The following NFIB variants were observed in gnomAD, a reference collection of about 807,000 sequenced individuals.
The protein encoded by NFIB is nuclear factor 1 B-type.
A neutral mutation model predicts 61.5 loss-of-function variants in NFIB; 11 were observed. The ratio of observed to expected loss-of-function variants is 0.18; its 90% CI spans 0.11 to 0.30. The LOEUF is 0.30. NFIB is among the 10% of genes least tolerant of loss of function. NFIB has a pLI of 1.00. For missense variants in NFIB, 471 were observed against 608.9 expected (o/e 0.77, Z 2.38); for synonymous variants, 260 against 216.5 (o/e 1.20, Z -1.76).
chr9:14,346,292 C>A (rs1204418633), intron 1 of NFIB, among the ~76,000 whole-genome samples: 1 of 125,378 alleles, frequency 8.0e-6, no homozygotes, highest in East Asian at 2.1e-4. Flanking sequence ...TAACCGACAC[C>A]CCCCCCCCGT....
the NFIB span, among the ~76,000 whole-genome samples, chr9:14,438,339 T>A: frequency 6.6e-6 from 1 of 152,208 alleles, no homozygotes; most frequent in South Asian, 2.1e-4. Context: ...TAGTCTTACG[T>A]GTGACCATCT....
the NFIB span, among the ~76,000 whole-genome samples, chr9:14,452,484 AAGGAAAGGAAAGGAAAGGAAAG>A: frequency 1.3e-5 from 1 of 75,170 alleles, no homozygotes; most frequent in South Asian, 5.5e-4. Context: ...AAGGAAAGGA[AAGGAAAGGAAAGGAAAGGAAAG>A]GAAAGGAGGA....
chr9:14,258,738 C>A (rs73415783), intron 2 of NFIB, among the ~76,000 whole-genome samples: 3,534 of 152,304 alleles, frequency 0.023, 142 homozygotes, highest in African/African-American at 0.08. Context: ...TTTACATCCT[C>A]TCTTCATAAA....
intron 2 of NFIB, among the ~76,000 whole-genome samples, chr9:14,221,753 G>C (rs1033911131): frequency 6.6e-6 from 1 of 152,212 alleles, no homozygotes; most frequent in Non-Finnish European, 1.5e-5. Context: ...GGAATCCATA[G>C]TATAATTGAG....
intron 6 of NFIB, among the ~76,000 whole-genome samples, chr9:14,134,848 A>G (rs906971875): frequency 6.8e-6 from 1 of 147,616 alleles, no homozygotes; most frequent in African/African-American, 2.5e-5. Flanking sequence ...CAGTGAGCCA[A>G]GATCACGCCA....
chr9:14,144,054 T>C (rs1041976660), intron 6 of NFIB, among the ~76,000 whole-genome samples: 4 of 142,732 alleles, frequency 2.8e-5, no homozygotes, highest in African/African-American at 7.8e-5. Flanking sequence ...CATTTGAGAA[T>C]GGAATATTCT....
the NFIB span, among the ~76,000 whole-genome samples, chr9:14,522,645 A>G: frequency 7.8e-3 from 1,187 of 152,314 alleles, 22 homozygotes; most frequent in African/African-American, 0.027. Flanking sequence ...GAAAATCACA[A>G]TAACTATTAT....
chr9:14,344,417 G>A (rs927955188), intron 1 of NFIB, among the ~76,000 whole-genome samples: 1 of 151,704 alleles, frequency 6.6e-6, no homozygotes. Context: ...CAGAAGGGGG[G>A]GGTAGAGGGA....
chr9:14,268,544 T>C (rs1000400725), intron 2 of NFIB, among the ~76,000 whole-genome samples: 1 of 152,324 alleles, frequency 6.6e-6, no homozygotes, highest in East Asian at 1.9e-4. Flanking sequence ...ATGCCTCACA[T>C]CCTCGTCTAA....
At chr9:14,114,632 T>C (rs1056310814) in intron 9 of NFIB, among the ~76,000 whole-genome samples, 2 of 152,200 alleles carry the variant, frequency 1.3e-5, no homozygotes, top group Non-Finnish European at 2.9e-5. Context: ...ATCAGATCCC[T>C]TTTTGAACAA....
chr9:14,511,612 C>T, the NFIB span, among the ~76,000 whole-genome samples: 6 of 152,264 alleles, frequency 3.9e-5, no homozygotes, highest in Non-Finnish European at 7.3e-5. Flanking sequence ...GATGACACAG[C>T]CAGTAAGAGG....
intron 2 of NFIB, among the ~76,000 whole-genome samples, chr9:14,274,771 CTT>C (rs1217511016): frequency 6.6e-6 from 1 of 152,156 alleles, no homozygotes; most frequent in East Asian, 1.9e-4. Context: ...AGAATTATCT[CTT>C]TTAAAAATTG....
intron 4 of NFIB, among the ~76,000 whole-genome samples, chr9:14,151,401 A>T (rs970162602): frequency 7.2e-5 from 11 of 152,188 alleles, no homozygotes; most frequent in African/African-American, 2.7e-4. Context: ...TGTTGGCTGC[A>T]ATGTGTACAA....
At chr9:14,450,727 G>GATTTTCTTT in the NFIB span, among the ~76,000 whole-genome samples, 1 of 149,966 alleles carries the variant, frequency 6.7e-6, no homozygotes, top group Non-Finnish European at 1.5e-5. Context: ...CTTTCAAGGT[G>GATTTTCTTT]ATTTTCTTTT....
At chr9:14,305,821 A>G (rs1401581110) in intron 2 of NFIB, 2 of 349,468 alleles carry the variant, frequency 5.7e-6, no homozygotes, top group African/African-American at 4.2e-5. Context: ...CTCAGGTAAC[A>G]GTCTGTCACC....
At chr9:14,474,168 C>G in the NFIB span, among the ~76,000 whole-genome samples, 1 of 152,122 alleles carries the variant, frequency 6.6e-6, no homozygotes, top group Non-Finnish European at 1.5e-5. Flanking sequence ...AATAGAATAT[C>G]ATAAACTGGG....
intron 2 of NFIB, among the ~76,000 whole-genome samples, chr9:14,234,345 G>C (rs1038284082): frequency 2.6e-5 from 4 of 151,374 alleles, no homozygotes; most frequent in Non-Finnish European, 4.4e-5. Flanking sequence ...ATTGATAAGA[G>C]GAGGCATGTA....
At chr9:14,398,721 C>A in exon 1 of NFIB, 1 of 862,230 alleles carries the variant, frequency 1.2e-6, no homozygotes. Flanking sequence ...CACCGAGTAC[C>A]TTAGCAAACG....
At chr9:14,461,402 T>C in the NFIB span, among the ~76,000 whole-genome samples, 11 of 152,240 alleles carry the variant, frequency 7.2e-5, no homozygotes, top group African/African-American at 2.4e-4. Context: ...AGCCAACTAA[T>C]TGACTTTGTA....
Sources: allele counts gnomAD v4.1 joint callset (sites outside exome capture counted in the v4.1 genomes callset), GRCh38; gene constraint gnomAD v4.1.1; transcripts MANE v1.5; gene names NCBI Gene and HGNC (gene_info 2026-07-23, HGNC 2026-07-21).